MYOM2: variants seen among roughly 807,000 people sequenced by gnomAD.
MYOM2 encodes the protein myomesin 2, also known as myomesin-2.
In MYOM2, 254 loss-of-function variants were observed where a neutral mutation model predicts 187.6. The ratio of observed to expected loss-of-function variants is 1.35; its 90% CI spans 1.22 to 1.50. The LOEUF (loss-of-function observed/expected upper bound fraction) is 1.50. MYOM2 is among the 40% of genes most tolerant of loss of function. MYOM2 has a pLI of 0.00. For missense variants in MYOM2, 2,796 were observed against 1,924.0 expected (o/e 1.45, Z -8.48); for synonymous variants, 981 against 753.8 (o/e 1.30, Z -4.94).
chr8:2,132,585 C>G (rs1395833010), intron 32 of MYOM2, among the ~76,000 whole-genome samples: 2 of 141,016 alleles, frequency 1.4e-5, no homozygotes, highest in Non-Finnish European at 3.0e-5. Flanking sequence ...CTCTCTTTCT[C>G]TCTCTCTCTC....
At chr8:2,089,308 G>C (rs1796212153) in intron 14 of MYOM2, among the ~76,000 whole-genome samples, 1 of 50,018 alleles carries the variant, frequency 2.0e-5, no homozygotes, top group Admixed American at 2.9e-4. Context: ...AAGTTACATG[G>C]AATGCAATTA....
intron 32 of MYOM2, among the ~76,000 whole-genome samples, chr8:2,134,108 A>C (rs1170187572): frequency 1.3e-5 from 2 of 151,484 alleles, no homozygotes; most frequent in East Asian, 3.9e-4. Flanking sequence ...TAATACTATT[A>C]ACTCTGCTAC....
intron 25 of MYOM2, among the ~76,000 whole-genome samples, chr8:2,109,886 T>C (rs1277317646): frequency 3.3e-5 from 5 of 152,234 alleles, no homozygotes; most frequent in African/African-American, 9.6e-5. Flanking sequence ...TTTTGCTGTA[T>C]TGTGAGAGAG....
chr8:2,098,894 A>G lies in MYOM2; in HGVS notation c.2351A>G (p.Lys784Arg), dbSNP rs1160999837. The G allele has an allele frequency of 6.2e-7, 1 of 1,613,274 alleles. No homozygotes were observed. The highest frequency in any genetic ancestry group is 8.5e-7 in the Non-Finnish European group (1 of 1,179,694). ...ACGGAAGGCTCACTCTACGAGTTCA[A>G]AATCGCCGCCGTCAACCTGGCCGGC... ...GLTEGSLYEF[K>R]IAAVNLAGIG... is the part of the protein sequence containing the mutation. The change falls in exon 19 of 37, where the codon AAA (lysine) becomes AGA (arginine). Residue 784 changes from lysine to arginine, a missense_variant. Lys to Arg is a conservative substitution (Grantham distance 26). Coordinates refer to ENST00000262113, the MANE Select transcript of MYOM2 (RefSeq NM_003970.4).
chr8:2,084,290 T>C (rs1819732928), intron 13 of MYOM2, among the ~76,000 whole-genome samples: 1 of 152,204 alleles, frequency 6.6e-6, no homozygotes. Context: ...CAGCTCAGCC[T>C]GCGTTGCCTC....
chr8:2,096,153 T>G (rs1796475003), intron 17 of MYOM2, 94 bp from the exon 18 acceptor site: 1 of 1,283,184 alleles, frequency 7.8e-7, no homozygotes. Context: ...TCCACGTTGC[T>G]TCCTCCTCCC....
chr8:2,080,677 C>A (rs1819589938), intron 13 of MYOM2, among the ~76,000 whole-genome samples: 1 of 152,220 alleles, frequency 6.6e-6, no homozygotes, highest in African/African-American at 2.4e-5. Context: ...TATTCTGTCT[C>A]ATGCATGATA....
chr8:2,048,717 C>T (rs1181603617), intron 1 of MYOM2, among the ~76,000 whole-genome samples: 1 of 152,166 alleles, frequency 6.6e-6, no homozygotes, highest in Non-Finnish European at 1.5e-5. Flanking sequence ...CACTATGATA[C>T]TGCCTTCAAT....
At position 2,101,037 on chromosome 8, in the gene MYOM2, G is replaced by C; in HGVS notation, c.2602G>C (p.Ala868Pro). The C allele has an allele frequency of 1.2e-6, 2 of 1,614,110 alleles. No individual in the cohort carries two copies. The highest frequency in any genetic ancestry group is 8.5e-7 in the Non-Finnish European group (1 of 1,180,022). ...EWITVNQTTT[A>P]SRYLKVSDLQ... ...GATCACTGTCAATCAGACGACAACAGCCAGCCGTTATTTAAAGGTAAGTCT... is the reference window on the plus strand; with the variant it reads ...GATCACTGTCAATCAGACGACAACACCCAGCCGTTATTTAAAGGTAAGTCT... Residue 868 changes from alanine to proline, a missense_variant, in exon 20 of 37, where the codon GCC becomes CCC. Ala to Pro is a conservative substitution (Grantham distance 27, BLOSUM62 -1). Transcript: ENST00000262113.
intron 32 of MYOM2, among the ~76,000 whole-genome samples, chr8:2,137,567 T>G (rs1029987263): frequency 3.5e-5 from 5 of 141,654 alleles, no homozygotes; most frequent in African/African-American, 1.6e-4. Context: ...TGCCTGGTTG[T>G]GTGTGTGTGT....
chr8:2,105,083 C>T (rs1387442566), intron 21 of MYOM2, among the ~76,000 whole-genome samples: 2 of 152,098 alleles, frequency 1.3e-5, no homozygotes. Flanking sequence ...AGTCATTAAT[C>T]ACTTCTTAAA....
At chr8:2,105,065 C>G (rs1360102847) in intron 21 of MYOM2, among the ~76,000 whole-genome samples, 3 of 152,108 alleles carry the variant, frequency 2.0e-5, no homozygotes, top group Admixed American at 6.6e-5. Context: ...GGCATGAGTG[C>G]TGCCCCCAGT....
chr8:2,131,003 C>T (rs1013828632), intron 32 of MYOM2, among the ~76,000 whole-genome samples: 9 of 152,134 alleles, frequency 5.9e-5, no homozygotes, highest in South Asian at 4.1e-4. Context: ...TCCTGCCATC[C>T]GTCATAAACA....
rs764621661 is a variant in MYOM2 at position 2,069,323 on chromosome 8, T to C, written c.699T>C (p.Asn233=). 1 of 1,613,806 alleles carries C rather than the reference T, an allele frequency of 6.2e-7. No homozygotes were observed. The highest frequency in any genetic ancestry group is 2.2e-5 in the East Asian group (1 of 44,870). ...DTATYSAVAT[N]AHGQVSTNAA... ...CGACATACTCAGCAGTGGCCACCAA[T>C]GCCCACGGACAAGTGTCCACCAACG... Residue 233 remains asparagine, a synonymous_variant, in exon 7 of 37, where the codon AAT becomes AAC. Coordinates refer to ENST00000262113, the MANE Select transcript of MYOM2 (RefSeq NM_003970.4).
chr8:2,082,112 C>T lies in MYOM2; in HGVS notation c.1516+2499C>T, dbSNP rs753722693. 13 of 152,188 alleles carry T rather than the reference C, an allele frequency of 8.5e-5. 1 individual carries two copies. Among genetic ancestry groups the T allele is most frequent in the African/African-American group, 2.4e-4 (10 of 41,450 alleles). The allele number at this position is 152,188 out of a possible 1,614,324, so 9.4% of individuals were successfully genotyped here. ...GACACTGCCTGAGGCTCAGCCTCCCCGGCTTCAGTTCTCTGACGTGACGCT... is the reference window on the plus strand; with the variant it reads ...GACACTGCCTGAGGCTCAGCCTCCCTGGCTTCAGTTCTCTGACGTGACGCT... On this transcript the variant is annotated intron_variant, in intron 13 of 36. Coordinates refer to ENST00000262113, the MANE Select transcript of MYOM2 (RefSeq NM_003970.4).
intron 21 of MYOM2, among the ~76,000 whole-genome samples, chr8:2,105,271 C>G (rs1796852958): frequency 1.3e-5 from 2 of 152,186 alleles, no homozygotes; most frequent in Admixed American, 1.3e-4. Flanking sequence ...CACCCTGCCA[C>G]CTGGCTTTCC....
intron 18 of MYOM2, 114 bp from the exon 19 acceptor site, chr8:2,098,743 A>G: frequency 1.7e-6 from 2 of 1,200,392 alleles, no homozygotes; most frequent in South Asian, 3.5e-5. Context: ...ATTTCCCGAC[A>G]AGGTTCCTTC....
At chr8:2,068,109 A>G (rs951130601) in intron 6 of MYOM2, among the ~76,000 whole-genome samples, 1 of 152,194 alleles carries the variant, frequency 6.6e-6, no homozygotes, top group African/African-American at 2.4e-5. Context: ...TCGTGGGCGC[A>G]GCTCTTCAAT....
chr8:2,049,190 G>A (rs1157500651), intron 1 of MYOM2, among the ~76,000 whole-genome samples: 1 of 152,176 alleles, frequency 6.6e-6, no homozygotes, highest in Non-Finnish European at 1.5e-5. Flanking sequence ...CCCAGGGTGG[G>A]GTGGTTGGTC....
Sources: allele counts gnomAD v4.1 joint callset (sites outside exome capture counted in the v4.1 genomes callset), GRCh38; gene constraint gnomAD v4.1.1; transcripts MANE v1.5; gene names NCBI Gene and HGNC (gene_info 2026-07-23, HGNC 2026-07-21).